SCG3: variants seen among roughly 807,000 people sequenced by gnomAD.
The protein encoded by SCG3 is secretogranin III.
A neutral mutation model predicts 56.2 loss-of-function variants in SCG3; 38 were observed. That is an observed-to-expected ratio of 0.68 (90% CI 0.52 to 0.89). The LOEUF is 0.89. SCG3 is among the 40% of genes least tolerant of loss of function. The pLI is 0.00. For missense variants in SCG3, 524 were observed against 540.7 expected, an observed-to-expected ratio of 0.97 and a Z score of 0.31; for synonymous variants, 176 against 184.2, an observed-to-expected ratio of 0.96 and a Z score of 0.36.
chr15:51,690,711 C>T (rs527576954), intron 6 of SCG3, among the ~76,000 whole-genome samples: 1 of 152,076 alleles, frequency 6.6e-6, no homozygotes, highest in South Asian at 2.1e-4. Flanking sequence ...AAAATGGACA[C>T]AGCTATTTCC....
chr15:51,712,978 C>T (rs2141581456), intron 10 of SCG3: 1 of 181,636 alleles, frequency 5.5e-6, no homozygotes, highest in Admixed American at 6.4e-5. Context: ...AAGAACCATC[C>T]CTAACCAGAA....
chr15:51,689,475 G>A, intron 6 of SCG3, 107 bp downstream of exon 6: 1 of 1,360,102 alleles, frequency 7.4e-7, no homozygotes, highest in South Asian at 1.5e-5. Context: ...TACCAAAGAA[G>A]ATTTGAGGTA....
intron 10 of SCG3, among the ~76,000 whole-genome samples, chr15:51,706,109 A>C (rs931201864): frequency 6.6e-5 from 10 of 152,214 alleles, no homozygotes; most frequent in African/African-American, 2.4e-4. Context: ...CACTTTTCTC[A>C]AGGGCTATTT....
intron 10 of SCG3, among the ~76,000 whole-genome samples, chr15:51,708,861 A>G (rs1326195986): frequency 6.6e-6 from 1 of 151,980 alleles, no homozygotes; most frequent in African/African-American, 2.4e-5. Flanking sequence ...TCCATCTAAA[A>G]AAAAAAAGAA....
In SCG3 at chr15:51,698,472, G is replaced by T. The variant is rs1369605590; in HGVS notation, c.986-847G>T. On this transcript the variant is annotated intron_variant, in intron 8 of 11. Transcript: ENST00000220478. The stretch of plus-strand genomic sequence containing the variant: ...GGAAATGCTCCTTAATATAAGTAGG[G>T]AAATGACCCCTAAGACTACCTAACA... 1.2e-4 allele frequency among the ~76,000 whole-genome samples: 18 copies of T among 152,180 alleles called. 1 individual carries two copies.
chr15:51,704,794 T>TATATATATATAC (rs1461091125), intron 10 of SCG3, among the ~76,000 whole-genome samples: 2 of 140,428 alleles, frequency 1.4e-5, no homozygotes, highest in African/African-American at 2.6e-5. Context: ...TATATATATA[T>TATATATATATAC]ACATCTCTCT....
intron 9 of SCG3, among the ~76,000 whole-genome samples, chr15:51,700,668 G>A (rs779094828): frequency 6.6e-6 from 1 of 152,150 alleles, no homozygotes; most frequent in Non-Finnish European, 1.5e-5. Context: ...ATGTCAAGGA[G>A]AGATTGGGCA....
chr15:51,689,355 T>C lies in SCG3; in HGVS notation c.677T>C (p.Ile226Thr). 1 of 1,612,698 alleles carries C rather than the reference T, an allele frequency of 6.2e-7. No homozygotes were observed. The highest frequency in any genetic ancestry group is 8.5e-7 in the Non-Finnish European group (1 of 1,179,574). The change falls in exon 6 of 12, where the codon ATA (isoleucine) becomes ACA (threonine). Residue 226 changes from isoleucine to threonine, a missense_variant. Ile to Thr is a moderately conservative substitution (Grantham distance 89). Coordinates refer to ENST00000220478, the MANE Select transcript of SCG3 (RefSeq NM_013243.4). ...TSWTENQAGK[I>T]PEKVTPMAAI... The stretch of plus-strand genomic sequence containing the variant: ...TGGACTGAGAATCAGGCTGGAAAAA[T>C]ACCAGAGAAAGTGGTATGTATGTGT...
chr15:51,683,091 G>C lies in SCG3; in HGVS notation c.148G>C (p.Glu50Gln). ...GTTTGCTTCACAGATTGCTGAAGCAGAAGAAGACAAGATTAAAAAAACATA... is the reference window on the plus strand; with the variant it reads ...GTTTGCTTCACAGATTGCTGAAGCACAAGAAGACAAGATTAAAAAAACATA... ...RPLNEQIAEA[E>Q]EDKIKKTYPP... Residue 50 changes from glutamate (E) to glutamine (Q), a missense_variant, in exon 3 of 12, where the codon GAA becomes CAA. Physicochemically the swap from Glu to Gln is conservative, Grantham distance 29. Transcript: ENST00000220478. The C allele has an allele frequency of 1.2e-6, 2 of 1,610,408 alleles. No homozygotes were observed. Among genetic ancestry groups the C allele is most frequent in the South Asian group, 1.1e-5 (1 of 90,718 alleles).
At chr15:51,682,471 T>C (rs758704434) in intron 1 of SCG3, 46 bp from the exon 2 acceptor site, 13 of 1,003,900 alleles carry the variant, frequency 1.3e-5, no homozygotes, top group Non-Finnish European at 1.5e-5. Flanking sequence ...GCATATTTTG[T>C]CCTTCAACGC....
Position 51,719,395 on chromosome 15 carries a change from T to C in SCG3, c.1289-13T>C, listed in dbSNP as rs1377746134. 6 of 1,587,814 alleles carry C rather than the reference T, an allele frequency of 3.8e-6. No homozygotes were observed. The highest frequency in any genetic ancestry group is 2.2e-5 in the East Asian group (1 of 44,734). ...CTGATCTTTGCTCATTATGCTCTAA[T>C]AATATTTTCCAGATTATGACCTTTC... On this transcript the variant is annotated splice_polypyrimidine_tract_variant and intron_variant, in intron 11 of 11. Transcript: ENST00000220478.
intron 6 of SCG3, 32 bp downstream of exon 6, chr15:51,689,400 GGTGTGTGTGTGTGTGT>G (rs3841591): frequency 1.2e-5 from 14 of 1,177,420 alleles, no homozygotes; most frequent in South Asian, 3.7e-5. Context: ...TATGCATGGG[GGTGTGTGTGTGTGTGT>G]GTGTGTGTGT....
At chr15:51,709,713 T>TTA (rs1567222375) in intron 10 of SCG3, among the ~76,000 whole-genome samples, 3 of 41,878 alleles carry the variant, frequency 7.2e-5, no homozygotes, top group African/African-American at 9.4e-5. Flanking sequence ...TTTTTTTTTT[T>TTA]TTTTTTTTTT....
chr15:51,699,321 A>C lies in SCG3; in HGVS notation c.988A>C (p.Asn330His). 6.2e-7 allele frequency: 1 copy of C among 1,600,396 alleles called. No homozygotes were observed. Among genetic ancestry groups the C allele is most frequent in the Non-Finnish European group, 8.5e-7 (1 of 1,175,352 alleles). The change falls in exon 9 of 12, where the codon AAC becomes CAC. Residue 330 changes from asparagine (N) to histidine (H), a missense_variant and splice_region_variant. Coordinates refer to ENST00000220478, the MANE Select transcript of SCG3 (RefSeq NM_013243.4). Reference protein sequence around the residue: ...SPEEGVSYLENLDEMIALQTK... With the variant: ...SPEEGVSYLEHLDEMIALQTK... ...ATTTCTTTCCTTCCTCCCTCCAGAAAACTTGGATGAAATGATTGCTCTTCA... is the reference window on the plus strand; with the variant it reads ...ATTTCTTTCCTTCCTCCCTCCAGAACACTTGGATGAAATGATTGCTCTTCA...
rs2055359354 is a variant in SCG3 at position 51,704,276 on chromosome 15, T to TATATATATATATATATAA, written c.1207+3035_1207+3036insTATATATATATATAAATA. Among the ~76,000 whole-genome samples the TATATATATATATATATAA allele has an allele frequency of 3.0e-5, 4 of 133,156 alleles. No homozygotes were observed. In the South Asian group the frequency reaches 9.5e-4, roughly 31 times the overall value. The allele number at this position is 133,156 out of a possible 152,430, so 87.4% of individuals were successfully genotyped here. On this transcript the variant is annotated intron_variant, in intron 10 of 11. Transcript: ENST00000220478. ...ATATATATATATATATATATATATA[T>TATATATATATATATATAA]ATAAAATAGCTCTTTTTTGAAATTG...
intron 8 of SCG3, among the ~76,000 whole-genome samples, chr15:51,696,436 G>A (rs1205248683): frequency 6.6e-6 from 1 of 152,266 alleles, no homozygotes; most frequent in East Asian, 1.9e-4. Flanking sequence ...TGTAGTTCCA[G>A]CTACTCAGGA....
At chr15:51,706,267 T>G (rs968999822) in intron 10 of SCG3, among the ~76,000 whole-genome samples, 9 of 152,176 alleles carry the variant, frequency 5.9e-5, no homozygotes, top group African/African-American at 2.2e-4. Flanking sequence ...ATGGCATGCC[T>G]AGCGCTGTGC....
intron 8 of SCG3, among the ~76,000 whole-genome samples, chr15:51,697,776 C>T (rs182207730): frequency 1.9e-3 from 288 of 152,224 alleles, no homozygotes; most frequent in African/African-American, 6.6e-3. Context: ...TTTATCAAGA[C>T]TTACATACAT....
intron 10 of SCG3, among the ~76,000 whole-genome samples, chr15:51,711,609 A>G (rs562633183): frequency 6.6e-6 from 1 of 152,352 alleles, no homozygotes; most frequent in Middle Eastern, 3.4e-3. Flanking sequence ...TAACTGAATT[A>G]ATTTGAAATA....
Sources: allele counts gnomAD v4.1 joint callset (sites outside exome capture counted in the v4.1 genomes callset), GRCh38; gene constraint gnomAD v4.1.1; transcripts MANE v1.5; gene names NCBI Gene and HGNC (gene_info 2026-07-23, HGNC 2026-07-21).